The following FAT3 variants were observed in gnomAD, a reference collection of about 807,000 sequenced individuals.
FAT3 encodes the protein protocadherin Fat 3.
FAT3 carries 95 observed loss-of-function variants against 310.2 expected under a neutral mutation model. The observed-to-expected ratio is 0.31, with a 90% CI of 0.26 to 0.36. The LOEUF is 0.36. Among genes scored for constraint, FAT3 ranks in the 10% least tolerant of loss-of-function variants. FAT3 has a pLI of 1.00. For synonymous variants in FAT3, 2,314 were observed against 2,192.9 expected (o/e 1.06, Z -1.54); for missense variants, 5,408 against 5,715.6 (o/e 0.95, Z 1.74).
At chr11:92,680,529 A>G (rs1591600608) in intron 3 of FAT3, among the ~76,000 whole-genome samples, 1 of 152,198 alleles carries the variant, frequency 6.6e-6, no homozygotes, top group Admixed American at 6.5e-5. Context: ...TATAATTTGA[A>G]GTTAGACAAT....
chr11:92,284,398 A>G (rs2134374209), intron 1 of FAT3, among the ~76,000 whole-genome samples: 1 of 152,184 alleles, frequency 6.6e-6, no homozygotes, highest in East Asian at 1.9e-4. Flanking sequence ...GAGGCAGTGA[A>G]TACCTAATGC....
intron 4 of FAT3, among the ~76,000 whole-genome samples, chr11:92,712,499 T>C (rs1472866877): frequency 1.3e-5 from 2 of 152,196 alleles, no homozygotes; most frequent in South Asian, 2.1e-4. Context: ...TGTGAAACCA[T>C]AGATTACAAG....
intron 7 of FAT3, among the ~76,000 whole-genome samples, chr11:92,777,044 A>G (rs141451238): frequency 1.2e-4 from 19 of 152,334 alleles, no homozygotes; most frequent in African/African-American, 4.3e-4. Flanking sequence ...AATAAAAGGC[A>G]TTCTGAATTT....
intron 2 of FAT3, among the ~76,000 whole-genome samples, chr11:92,444,582 T>C (rs550646796): frequency 2.0e-4 from 29 of 146,520 alleles, no homozygotes; most frequent in Non-Finnish European, 3.3e-4. Context: ...TTATTTAGAG[T>C]CCATCTCAGA....
chr11:92,741,691 A>G, intron 4 of FAT3, among the ~76,000 whole-genome samples: 1 of 152,276 alleles, frequency 6.6e-6, no homozygotes, highest in Non-Finnish European at 1.5e-5. Context: ...TGTGGAAGTA[A>G]TTAAAATACT....
chr11:92,460,854 T>A (rs1456004827), intron 2 of FAT3, among the ~76,000 whole-genome samples: 1 of 152,190 alleles, frequency 6.6e-6, no homozygotes, highest in Non-Finnish European at 1.5e-5. Flanking sequence ...ATGTTTCTCC[T>A]TGAATAGGGG....
At position 92,883,154 on chromosome 11, in the gene FAT3, G is replaced by C. The variant is rs918067662; in HGVS notation, c.12698G>C (p.Arg4233Pro). Residue 4233 changes from arginine to proline, a missense_variant, in exon 24 of 28, where the codon CGC (arginine) becomes CCC (proline). By Grantham distance (103) the Arg-to-Pro change is moderately radical. Coordinates refer to ENST00000525166, the MANE Select transcript of FAT3 (RefSeq NM_001367949.2). The surrounding 1 kb of genome is among the most constrained non-coding windows in gnomAD (Gnocchi z 4.2). Reference protein sequence around the residue: ...QEVGPPQVPVRPMAYTPCFQS... With the variant: ...QEVGPPQVPVPPMAYTPCFQS... ...GTGGGGCCCCCGCAGGTCCCCGTGC[G>C]CCCCATGGCCTACACACCCTGCTTC... 2 of 1,613,340 alleles carry C rather than the reference G, an allele frequency of 1.2e-6. No individual in the cohort carries two copies. Among genetic ancestry groups the C allele is most frequent in the African/African-American group, 2.7e-5 (2 of 74,902 alleles).
At chr11:92,535,811 A>G (rs902160059) in intron 3 of FAT3, among the ~76,000 whole-genome samples, 1 of 152,192 alleles carries the variant, frequency 6.6e-6, no homozygotes, top group African/African-American at 2.4e-5. Flanking sequence ...TAACACCATC[A>G]TTTCTTACAG....
At chr11:92,412,736 T>TATATACATACAC (rs1591252620) in intron 2 of FAT3, among the ~76,000 whole-genome samples, 2 of 14,964 alleles carry the variant, frequency 1.3e-4, no homozygotes, top group African/African-American at 2.8e-4. Context: ...TATATATATA[T>TATATACATACAC]ATATATATAA....
chr11:92,319,024 G>A (rs1055161061), intron 1 of FAT3, among the ~76,000 whole-genome samples: 2 of 152,150 alleles, frequency 1.3e-5, no homozygotes, highest in Non-Finnish European at 2.9e-5. Flanking sequence ...GAACCTTCTC[G>A]TGGGAGAGCT....
intron 2 of FAT3, among the ~76,000 whole-genome samples, chr11:92,518,309 A>G (rs1227539461): frequency 7.2e-5 from 11 of 152,186 alleles, no homozygotes; most frequent in Admixed American, 7.2e-4. Flanking sequence ...TGTGACACAT[A>G]TACACCATGG....
chr11:92,695,047 C>T (rs1311170957), intron 3 of FAT3, among the ~76,000 whole-genome samples: 25 of 152,192 alleles, frequency 1.6e-4, no homozygotes, highest in Admixed American at 1.6e-3. Flanking sequence ...CCTCTCCTCA[C>T]TTCCCCACAG....
At chr11:92,518,297 C>T (rs1027412240) in intron 2 of FAT3, among the ~76,000 whole-genome samples, 1 of 151,966 alleles carries the variant, frequency 6.6e-6, no homozygotes, top group East Asian at 1.9e-4. Flanking sequence ...GGTTAAAGAA[C>T]GTGTGACACA....
intron 3 of FAT3, among the ~76,000 whole-genome samples, chr11:92,681,815 G>C (rs1943488109): frequency 6.6e-6 from 1 of 152,128 alleles, no homozygotes; most frequent in African/African-American, 2.4e-5. Context: ...CATCAAATTT[G>C]CACTTTTCTG....
chr11:92,855,220 A>G (rs911324726), intron 19 of FAT3, among the ~76,000 whole-genome samples: 1 of 152,232 alleles, frequency 6.6e-6, no homozygotes, highest in Non-Finnish European at 1.5e-5. Context: ...CTTATTATGA[A>G]TAAACATTAA....
intron 3 of FAT3, among the ~76,000 whole-genome samples, chr11:92,551,863 G>T (rs1954833131): frequency 1.3e-5 from 2 of 152,156 alleles, no homozygotes; most frequent in African/African-American, 4.8e-5. Context: ...GAGAAATTTG[G>T]TGTATAAGAT....
intron 3 of FAT3, among the ~76,000 whole-genome samples, chr11:92,578,094 T>A (rs1938585823): frequency 2.0e-5 from 3 of 152,162 alleles, no homozygotes; most frequent in African/African-American, 7.2e-5. Flanking sequence ...GTATGTAAAC[T>A]CTACGTGTTG....
chr11:92,546,655 T>A (rs117894878), intron 3 of FAT3, among the ~76,000 whole-genome samples: 5,594 of 152,338 alleles, frequency 0.037, 157 homozygotes, highest in Non-Finnish European at 0.057. Flanking sequence ...TTTTGAATAT[T>A]AAGCTTCCAA....
chr11:92,841,302 C>T (rs563072106), intron 18 of FAT3, among the ~76,000 whole-genome samples: 1 of 152,224 alleles, frequency 6.6e-6, no homozygotes, highest in Non-Finnish European at 1.5e-5. Flanking sequence ...AGAGGGCCTC[C>T]GAAAGTTCCC....
Sources: gnomAD v4.1 joint callset for allele counts (sites outside exome capture counted in the v4.1 genomes callset) on GRCh38, gnomAD v4.1.1 for gene constraint, Gnocchi (gnomAD v3.1) non-coding constraint, MANE v1.5 for transcripts, NCBI Gene and HGNC (gene_info 2026-07-23, HGNC 2026-07-21) for gene names.